Variants in RTL4 observed in about 807,000 individuals in gnomAD.
The protein encoded by RTL4 is retrotransposon Gag like 4, also known as retrotransposon Gag-like protein 4.
In RTL4, 4 loss-of-function variants were observed where a neutral mutation model predicts 5.3. That is an observed-to-expected ratio of 0.75 (90% CI 0.37 to 1.72). The LOEUF (loss-of-function observed/expected upper bound fraction) is 1.72. RTL4 is among the 40% of genes most tolerant of loss of function. RTL4 has a pLI of 0.04. For missense variants in RTL4, 260 were observed against 227.1 expected (o/e 1.14, Z -0.93); for synonymous variants, 98 against 87.3 (o/e 1.12, Z -0.68).
chrX:112,411,312 C>CA, the RTL4 span, among the ~76,000 whole-genome samples: 15 of 111,115 alleles, frequency 1.3e-4, no homozygotes, highest in African/African-American at 4.9e-4. Flanking sequence ...TAAACTATTC[C>CA]AAAAAATTGA....
At chrX:112,222,305 G>A in the RTL4 span, among the ~76,000 whole-genome samples, 1 of 111,525 alleles carries the variant, frequency 9.0e-6, no homozygotes, top group South Asian at 3.8e-4. Flanking sequence ...ATGGGGGACA[G>A]GATATACATT....
chrX:112,147,808 G>T, the RTL4 span, among the ~76,000 whole-genome samples: 1 of 111,207 alleles, frequency 9.0e-6, no homozygotes, highest in Admixed American at 9.5e-5. Context: ...AGGTGTGGTG[G>T]GGTGCACCTG....
chrX:112,287,874 C>G, the RTL4 span, among the ~76,000 whole-genome samples: 39 of 111,903 alleles, frequency 3.5e-4, no homozygotes, highest in African/African-American at 1.2e-3. Flanking sequence ...AAGTACAGTC[C>G]AGTAGATATG....
the RTL4 span, among the ~76,000 whole-genome samples, chrX:112,170,730 C>A: frequency 9.0e-6 from 1 of 111,328 alleles, no homozygotes; most frequent in East Asian, 2.8e-4. Flanking sequence ...TATCTGAATA[C>A]CCTTTATTTC....
At chrX:112,247,242 CAA>C in the RTL4 span, among the ~76,000 whole-genome samples, 1 of 111,108 alleles carries the variant, frequency 9.0e-6, no homozygotes, top group African/African-American at 3.3e-5. Flanking sequence ...AGTAAAAAGC[CAA>C]GATTTTAATT....
At chrX:112,414,271 T>C in the RTL4 span, among the ~76,000 whole-genome samples, 1 of 111,877 alleles carries the variant, frequency 8.9e-6, no homozygotes, top group Admixed American at 9.5e-5. Context: ...TTTTGAAAAC[T>C]TTTTTCTCAG....
the RTL4 span, among the ~76,000 whole-genome samples, chrX:112,307,620 C>G: frequency 9.0e-6 from 1 of 111,034 alleles, no homozygotes; most frequent in Non-Finnish European, 1.9e-5. Flanking sequence ...TTAAATCTCT[C>G]TCATCTTCCC....
chrX:112,330,799 C>A, the RTL4 span, among the ~76,000 whole-genome samples: 3 of 110,990 alleles, frequency 2.7e-5, no homozygotes, highest in Non-Finnish European at 5.7e-5. Flanking sequence ...GTACTGGTAC[C>A]AAAACAGAGA....
the RTL4 span, among the ~76,000 whole-genome samples, chrX:112,208,883 C>T: frequency 8.9e-6 from 1 of 112,408 alleles, no homozygotes; most frequent in Non-Finnish European, 1.9e-5. Context: ...AGCTGAAGGA[C>T]TGTACTTTGT....
chrX:112,194,227 T>C, the RTL4 span, among the ~76,000 whole-genome samples: 1 of 112,137 alleles, frequency 8.9e-6, no homozygotes, highest in Non-Finnish European at 1.9e-5. Flanking sequence ...TATATGCCTC[T>C]GTTATAGACT....
the RTL4 span, among the ~76,000 whole-genome samples, chrX:112,311,402 A>T: frequency 1.8e-5 from 2 of 110,910 alleles, no homozygotes; most frequent in Non-Finnish European, 3.8e-5. Context: ...GGTTCTAGAG[A>T]AACAGATTAA....
At chrX:112,399,838 C>A in the RTL4 span, among the ~76,000 whole-genome samples, 1 of 111,096 alleles carries the variant, frequency 9.0e-6, no homozygotes, top group Non-Finnish European at 1.9e-5. Context: ...GCCTTGATAT[C>A]TTTTTTGTTT....
chrX:112,383,064 G>T, the RTL4 span, among the ~76,000 whole-genome samples: 1 of 111,706 alleles, frequency 9.0e-6, no homozygotes, highest in Admixed American at 9.5e-5. Context: ...GTAAAATGAT[G>T]TTTGTTATCC....
the RTL4 span, among the ~76,000 whole-genome samples, chrX:112,248,705 G>A: frequency 8.5e-4 from 95 of 111,932 alleles, no homozygotes; most frequent in Non-Finnish European, 1.6e-3. Flanking sequence ...TCTTCGGTAG[G>A]ATAATAACTG....
At chrX:112,240,819 TC>T in the RTL4 span, among the ~76,000 whole-genome samples, 102 of 109,905 alleles carry the variant, frequency 9.3e-4, no homozygotes, top group African/African-American at 3.1e-3. Context: ...ATGCTATCCC[TC>T]CCCCCACCGC....
chrX:112,196,943 C>T, the RTL4 span, among the ~76,000 whole-genome samples: 4 of 109,846 alleles, frequency 3.6e-5, no homozygotes, highest in Non-Finnish European at 7.6e-5. Context: ...TTGATAATGG[C>T]CATGCTAACA....
At chrX:112,326,462 C>T in the RTL4 span, among the ~76,000 whole-genome samples, 4,380 of 111,617 alleles carry the variant, frequency 0.039, 233 homozygotes, top group African/African-American at 0.14. Flanking sequence ...AAAAAAACGG[C>T]GCACCAGGAG....
At chrX:112,441,039 A>C in the RTL4 span, among the ~76,000 whole-genome samples, 1 of 111,412 alleles carries the variant, frequency 9.0e-6, no homozygotes, top group Non-Finnish European at 1.9e-5. Context: ...GAAGTCACAA[A>C]ATTTTGATAT....
chrX:112,425,274 A>T, the RTL4 span, among the ~76,000 whole-genome samples: 1 of 111,364 alleles, frequency 9.0e-6, no homozygotes, highest in Non-Finnish European at 1.9e-5. Flanking sequence ...CATTTCTTTT[A>T]GTGCTGAATA....
Sources: allele counts gnomAD v4.1 joint callset (sites outside exome capture counted in the v4.1 genomes callset), GRCh38; gene constraint gnomAD v4.1.1; transcripts MANE v1.5; gene names NCBI Gene and HGNC (gene_info 2026-07-23, HGNC 2026-07-21).